FBXO15: variants seen among roughly 807,000 people sequenced by gnomAD.
FBXO15 encodes the protein F-box only protein 15.
In FBXO15, 30 loss-of-function variants were observed where a neutral mutation model predicts 49.5. The observed-to-expected ratio is 0.61, with a 90% CI of 0.45 to 0.82. The LOEUF (loss-of-function observed/expected upper bound fraction) is 0.82. Ranked by LOEUF, FBXO15 falls within the 40% of genes least tolerant of loss-of-function variation. The probability of loss-of-function intolerance (pLI) is 0.00; values close to 1 mark genes in which losing one functional copy is unlikely to be tolerated. For synonymous variants in FBXO15, 250 were observed against 232.7 expected (o/e 1.07, Z -0.68); for missense variants, 591 against 631.5 (o/e 0.94, Z 0.69).
At chr18:74,099,883 T>C (rs1913434939) in intron 8 of FBXO15, 1 of 152,142 alleles carries the variant, frequency 6.6e-6, no homozygotes, top group South Asian at 2.1e-4. Flanking sequence ...TAAAAATATA[T>C]GCACCTAACA....
intron 8 of FBXO15, among the ~76,000 whole-genome samples, chr18:74,109,479 G>A (rs533948067): frequency 6.6e-6 from 1 of 152,278 alleles, no homozygotes; most frequent in Admixed American, 6.5e-5. Context: ...CCATTACTGG[G>A]TATATACCCA....
At chr18:74,131,544 T>G (rs1208419757) in intron 3 of FBXO15, among the ~76,000 whole-genome samples, 1 of 152,146 alleles carries the variant, frequency 6.6e-6, no homozygotes, top group Non-Finnish European at 1.5e-5. Flanking sequence ...CAGCTCTGAC[T>G]CAAAGTCTGT....
chr18:74,087,038 ACT>A (rs1043621020), intron 8 of FBXO15, among the ~76,000 whole-genome samples: 54 of 152,178 alleles, frequency 3.5e-4, no homozygotes, highest in African/African-American at 1.3e-3. Flanking sequence ...TTTATACTAT[ACT>A]CTTTTAAATG....
chr18:74,141,689 G>T (rs1052272818), intron 1 of FBXO15, among the ~76,000 whole-genome samples: 7 of 152,184 alleles, frequency 4.6e-5, no homozygotes, highest in African/African-American at 1.7e-4. Context: ...CTTAACAGAG[G>T]ATGGCCCTCA....
intron 8 of FBXO15, among the ~76,000 whole-genome samples, chr18:74,093,500 C>A (rs950069299): frequency 4.6e-5 from 7 of 152,186 alleles, no homozygotes; most frequent in African/African-American, 1.7e-4. Flanking sequence ...GAGAGGCCAG[C>A]AGACATAAGG....
chr18:74,087,624 T>C (rs1912804272), intron 8 of FBXO15, among the ~76,000 whole-genome samples: 1 of 152,228 alleles, frequency 6.6e-6, no homozygotes, highest in Non-Finnish European at 1.5e-5. Context: ...CTGATGGGCA[T>C]TTAAGTTGAC....
At position 74,147,720 on chromosome 18, in the gene FBXO15, G is replaced by A. The variant is rs1378415539; in HGVS notation, c.66C>T (p.Pro22=). ...CCCGGGCCGCGCCACCGCCCCTGCT[G>A]GGCCCGCGCAGCGTCTGGAGGCCGA... ...HWLGLQTLRG[P]SRGGGAARGR... The change falls in exon 1 of 10, where the codon CCC becomes CCT. Residue 22 remains proline, a synonymous_variant. Transcript: ENST00000419743. 13 of 1,533,428 alleles carry A rather than the reference G, an allele frequency of 8.5e-6. No homozygotes were observed. The African/African-American group carries it at 1.7e-4, about 20-fold the overall frequency. The allele number at this position is 1,533,428 out of a possible 1,614,324, so 95.0% of individuals were successfully genotyped here.
chr18:74,093,272 G>GA (rs1024948010), intron 8 of FBXO15, among the ~76,000 whole-genome samples: 14 of 150,362 alleles, frequency 9.3e-5, no homozygotes, highest in Admixed American at 9.3e-4. Context: ...ATGGGGGGGG[G>GA]GTGGCTGCAG....
chr18:74,107,375 C>T (rs1599156859), intron 8 of FBXO15, among the ~76,000 whole-genome samples: 1 of 152,088 alleles, frequency 6.6e-6, no homozygotes, highest in Non-Finnish European at 1.5e-5. Flanking sequence ...ATTTTAACAG[C>T]AACTCAGATA....
At chr18:74,137,329 T>A (rs1978784230) in intron 2 of FBXO15, among the ~76,000 whole-genome samples, 1 of 152,226 alleles carries the variant, frequency 6.6e-6, no homozygotes, top group Non-Finnish European at 1.5e-5. Context: ...GCATATAATT[T>A]TTATATTTTG....
chr18:74,108,314 T>G (rs1913860548), intron 8 of FBXO15, among the ~76,000 whole-genome samples: 1 of 151,858 alleles, frequency 6.6e-6, no homozygotes, highest in Admixed American at 6.6e-5. Context: ...AAAGACAGCA[T>G]GCAAGAATAG....
rs1364915599 is a variant in FBXO15 at position 74,074,136 on chromosome 18, G to C, written c.1264-406C>G. The stretch of plus-strand genomic sequence containing the variant: ...TGAGAAGCAGTGTGCCTGTGTTCCT[G>C]GGTCTTCACTGCCACCACCAGGCCG... On this transcript the variant is annotated intron_variant, in intron 9 of 9. Transcript: ENST00000419743. The surrounding 1 kb of genome is among the most constrained non-coding windows in gnomAD (Gnocchi z 4.7). Among the ~76,000 whole-genome samples the C allele has an allele frequency of 6.6e-6, 1 of 152,164 alleles. No individual in the cohort carries two copies. The highest frequency in any genetic ancestry group is 2.4e-5 in the African/African-American group (1 of 41,434).
chr18:74,126,408 T>A (rs1180708653), intron 5 of FBXO15, among the ~76,000 whole-genome samples: 2 of 152,228 alleles, frequency 1.3e-5, no homozygotes, highest in South Asian at 4.1e-4. Flanking sequence ...CCTGTTCTAT[T>A]CCCTCCAAAT....
chr18:74,103,682 T>C (rs1049247352), intron 8 of FBXO15, among the ~76,000 whole-genome samples: 1 of 152,018 alleles, frequency 6.6e-6, no homozygotes. Context: ...GATTTCTCAA[T>C]AGAAACCATA....
intron 8 of FBXO15, among the ~76,000 whole-genome samples, chr18:74,104,880 C>G (rs62097007): frequency 0.087 from 13,311 of 152,144 alleles, 819 homozygotes; most frequent in Admixed American, 0.2. Context: ...TACTGCAGCA[C>G]TATTCACAAT....
intron 9 of FBXO15, among the ~76,000 whole-genome samples, chr18:74,073,934 A>G (rs960335404): frequency 1.3e-5 from 2 of 152,094 alleles, no homozygotes; most frequent in African/African-American, 4.8e-5. Flanking sequence ...TTCATTCTCA[A>G]ATATACACAG....
rs1555676381 is a variant in FBXO15, at chr18:74,093,265, G to GGC, written c.1139-11215_1139-11214insGC. On this transcript the variant is annotated intron_variant, in intron 8 of 9. Transcript: ENST00000419743. Reference sequence around the variant, plus strand: ...ATACACGTGTGCTGGCAAAACAATGGGGGGGGGGTGGCTGCAGACAAGTAC... The same window carrying GGC: ...ATACACGTGTGCTGGCAAAACAATGGGCGGGGGGGGTGGCTGCAGACAAGTAC... Among the ~76,000 whole-genome samples the GGC allele has an allele frequency of 6.1e-5, 8 of 130,164 alleles. 1 individual carries two copies. Among genetic ancestry groups the GGC allele is most frequent in the Middle Eastern group, 7.9e-3 (2 of 254 alleles). The allele number at this position is 130,164 out of a possible 152,430, so 85.4% of individuals were successfully genotyped here.
intron 8 of FBXO15, among the ~76,000 whole-genome samples, chr18:74,114,590 ACT>A (rs1423650427): frequency 1.3e-5 from 2 of 151,894 alleles, no homozygotes; most frequent in African/African-American, 4.8e-5. Context: ...TTTACAAATC[ACT>A]CTTTCAGTAT....
intron 1 of FBXO15, 160 bp downstream of exon 1, chr18:74,147,510 G>A (rs1979512382): frequency 3.2e-6 from 4 of 1,252,920 alleles, no homozygotes; most frequent in Non-Finnish European, 4.0e-6. Context: ...TTGCAGGGTA[G>A]AAAGGATTTC....
Sources: allele counts gnomAD v4.1 joint callset (sites outside exome capture counted in the v4.1 genomes callset), GRCh38; gene constraint gnomAD v4.1.1; non-coding constraint Gnocchi (gnomAD v3.1); transcripts MANE v1.5; gene names NCBI Gene and HGNC (gene_info 2026-07-23, HGNC 2026-07-21).